HPSE2: variants seen among roughly 807,000 people sequenced by gnomAD.
HPSE2 encodes the protein inactive heparanase-2.
Under a neutral mutation model 60.5 loss-of-function variants are expected in HPSE2, and 38 were observed. The observed-to-expected ratio is 0.63, with a 90% CI of 0.48 to 0.82. The LOEUF is 0.82. Among genes scored for constraint, HPSE2 ranks in the 40% least tolerant of loss-of-function variants. HPSE2 has a pLI of 0.00. For missense variants in HPSE2, 713 were observed against 740.4 expected, an observed-to-expected ratio of 0.96 and a Z score of 0.43; for synonymous variants, 295 against 293.2, an observed-to-expected ratio of 1.01 and a Z score of -0.06.
chr10:99,219,060 A>C (rs1459542616), intron 2 of HPSE2, among the ~76,000 whole-genome samples: 1 of 152,204 alleles, frequency 6.6e-6, no homozygotes, highest in Non-Finnish European at 1.5e-5. Flanking sequence ...CAGAAAGCTC[A>C]AGTTATATTT....
chr10:98,773,810 TTG>T (rs1950288426), intron 3 of HPSE2, among the ~76,000 whole-genome samples: 1 of 152,198 alleles, frequency 6.6e-6, no homozygotes, highest in Non-Finnish European at 1.5e-5. Context: ...GCTCATGCCT[TTG>T]GGAGGCTAAG....
the HPSE2 span, among the ~76,000 whole-genome samples, chr10:99,246,472 C>T: frequency 1.8e-3 from 280 of 152,294 alleles, 1 homozygote; most frequent in Admixed American, 3.2e-3. Context: ...TGTGGCCGTG[C>T]GTGATGGCTC....
At chr10:99,253,586 C>T in the HPSE2 span, among the ~76,000 whole-genome samples, 1 of 152,036 alleles carries the variant, frequency 6.6e-6, no homozygotes, top group Non-Finnish European at 1.5e-5. Context: ...GCAACTACAA[C>T]AAAAACAAAA....
At chr10:99,267,993 A>G in the HPSE2 span, among the ~76,000 whole-genome samples, 2 of 152,300 alleles carry the variant, frequency 1.3e-5, no homozygotes, top group Admixed American at 6.5e-5. Context: ...GCCTAGGCAC[A>G]TAGTCATTAG....
rs1955026128 is a variant in HPSE2, at chr10:98,942,122, A to G, written c.611-198066T>C. 1.4e-5 allele frequency among the ~76,000 whole-genome samples: 2 copies of G among 140,286 alleles called. 1 individual carries two copies. Among genetic ancestry groups the G allele is most frequent in the African/African-American group, 5.9e-5 (2 of 34,176 alleles). 92.0% of individuals were successfully genotyped at this position (140,286 alleles called of 152,430 possible). On this transcript the variant is annotated intron_variant, in intron 3 of 11. Coordinates refer to ENST00000370552, the MANE Select transcript of HPSE2 (RefSeq NM_021828.5). ...TTAAACATTAGACCTAAAACCATAAAAACCCTAGAAGAAAACCTAGGCATT... is the reference window on the plus strand; with the variant it reads ...TTAAACATTAGACCTAAAACCATAAGAACCCTAGAAGAAAACCTAGGCATT...
chr10:99,166,851 A>G (rs902151481), intron 2 of HPSE2, among the ~76,000 whole-genome samples: 10 of 136,810 alleles, frequency 7.3e-5, no homozygotes, highest in East Asian at 4.1e-4. Flanking sequence ...CATCTCAAAG[A>G]AAAAAAAAAA....
At chr10:98,831,110 G>T (rs1341748339) in intron 3 of HPSE2, among the ~76,000 whole-genome samples, 1 of 152,158 alleles carries the variant, frequency 6.6e-6, no homozygotes. Flanking sequence ...AAATATGGGA[G>T]GGTGGTACAA....
intron 7 of HPSE2, among the ~76,000 whole-genome samples, chr10:98,624,636 A>G (rs1946158941): frequency 6.6e-6 from 1 of 152,226 alleles, no homozygotes; most frequent in Non-Finnish European, 1.5e-5. Flanking sequence ...AGTTATTTGT[A>G]TATCATTTTA....
At chr10:99,166,234 T>G (rs1847077965) in intron 2 of HPSE2, among the ~76,000 whole-genome samples, 1 of 152,212 alleles carries the variant, frequency 6.6e-6, no homozygotes, top group Non-Finnish European at 1.5e-5. Flanking sequence ...TTGTTTCTAG[T>G]TTTCGAGAAT....
chr10:99,144,156 G>A lies in HPSE2; in HGVS notation c.610+82C>T. 9.1e-6 allele frequency: 11 copies of A among 1,213,376 alleles called. No homozygotes were observed. In the East Asian group the frequency reaches 9.3e-5, roughly 10 times the overall value. The allele number at this position is 1,213,376 out of a possible 1,614,324, so 75.2% of individuals were successfully genotyped here. A position where few individuals can be genotyped will look rare whatever the true frequency, so the allele number is the denominator to read the frequency against. On this transcript the variant is annotated intron_variant, in intron 3 of 11. Coordinates refer to ENST00000370552, the MANE Select transcript of HPSE2 (RefSeq NM_021828.5). ...CACAATTTAAAAAGTGATATAGTGG[G>A]TGTAGACAGACAGATGTGTACCCCA...
At chr10:98,604,501 G>A (rs1259110725) in intron 9 of HPSE2, among the ~76,000 whole-genome samples, 3 of 152,164 alleles carry the variant, frequency 2.0e-5, no homozygotes, top group Admixed American at 6.5e-5. Flanking sequence ...AGGACTGTGG[G>A]ACAACTACAA....
chr10:98,820,023 G>A (rs1432187248), intron 3 of HPSE2, among the ~76,000 whole-genome samples: 1 of 152,004 alleles, frequency 6.6e-6, no homozygotes, highest in East Asian at 1.9e-4. Flanking sequence ...ATTTTATAGT[G>A]ACATACTTTT....
At chr10:98,658,482 TA>T (rs1947136520) in intron 6 of HPSE2, among the ~76,000 whole-genome samples, 1 of 152,154 alleles carries the variant, frequency 6.6e-6, no homozygotes, top group Non-Finnish European at 1.5e-5. Context: ...GCAGGATTGG[TA>T]AATATCTTCT....
chr10:99,070,106 G>T (rs1235702085), intron 3 of HPSE2, among the ~76,000 whole-genome samples: 1 of 152,010 alleles, frequency 6.6e-6, no homozygotes, highest in Non-Finnish European at 1.5e-5. Flanking sequence ...ATCCACAAAA[G>T]AAAAAAACTG....
intron 11 of HPSE2, chr10:98,461,885 G>A: frequency 8.6e-7 from 1 of 1,163,314 alleles, no homozygotes; most frequent in Non-Finnish European, 1.3e-6. Flanking sequence ...AGGAGTAGTT[G>A]TCCTGGAACA....
the HPSE2 span, among the ~76,000 whole-genome samples, chr10:99,313,425 T>C: frequency 6.6e-6 from 1 of 152,114 alleles, no homozygotes; most frequent in Non-Finnish European, 1.5e-5. Context: ...AAAATTTGAA[T>C]GGATAAAGAG....
At chr10:98,619,598 AC>A (rs1946018046) in intron 8 of HPSE2, among the ~76,000 whole-genome samples, 1 of 152,016 alleles carries the variant, frequency 6.6e-6, no homozygotes, top group Non-Finnish European at 1.5e-5. Context: ...TTGGTGGTAA[AC>A]CCTTTCCTGA....
chr10:99,207,840 A>C lies in HPSE2; in HGVS notation c.448+24508T>G, dbSNP rs1164668621. 2.0e-5 allele frequency among the ~76,000 whole-genome samples: 3 copies of C among 151,910 alleles called. No homozygotes were observed. The East Asian group carries it at 5.8e-4, about 29-fold the overall frequency. On this transcript the variant is annotated intron_variant, in intron 2 of 11. Coordinates refer to ENST00000370552, the MANE Select transcript of HPSE2 (RefSeq NM_021828.5). ...TTATTCACAAGGGATACAGTTCAAG[A>C]TCCCCAGTAGATGCCTGAAACCACA...
chr10:98,945,822 C>T (rs1332737399), intron 3 of HPSE2, among the ~76,000 whole-genome samples: 1 of 152,090 alleles, frequency 6.6e-6, no homozygotes, highest in Admixed American at 6.6e-5. Flanking sequence ...TTAGATAATT[C>T]TGATGTCTTG....
Sources: gnomAD v4.1 joint callset for allele counts (sites outside exome capture counted in the v4.1 genomes callset) on GRCh38, gnomAD v4.1.1 for gene constraint, MANE v1.5 for transcripts, NCBI Gene and HGNC (gene_info 2026-07-23, HGNC 2026-07-21) for gene names.